Variants in ZNF184 observed in about 807,000 individuals in gnomAD.
ZNF184 encodes zinc finger protein 184, also known as zinc finger protein 184 (Kruppel-like).
In ZNF184, 16 loss-of-function variants were observed where a neutral mutation model predicts 54.4. The ratio of observed to expected loss-of-function variants is 0.29; its 90% CI spans 0.20 to 0.45. The LOEUF is 0.45. Among genes scored for constraint, ZNF184 ranks in the 20% least tolerant of loss-of-function variants. ZNF184 has a pLI of 1.00. For missense variants in ZNF184, 681 were observed against 888.2 expected, an observed-to-expected ratio of 0.77 and a Z score of 2.97; for synonymous variants, 254 against 295.3, an observed-to-expected ratio of 0.86 and a Z score of 1.43.
the ZNF184 span, among the ~76,000 whole-genome samples, chr6:27,430,398 C>CA: frequency 8.8e-6 from 1 of 113,074 alleles, no homozygotes; most frequent in Non-Finnish European, 1.6e-5. Flanking sequence ...TATTATTTGT[C>CA]AAAAAAAGGA....
chr6:27,428,272 C>A, the ZNF184 span, among the ~76,000 whole-genome samples: 4 of 152,298 alleles, frequency 2.6e-5, no homozygotes, highest in South Asian at 4.2e-4. The surrounding 1 kb of genome is among the most constrained non-coding windows in gnomAD (Gnocchi z 4.1). Context: ...GTGGGCAAAG[C>A]AGTTATTTCC....
chr6:27,424,226 T>G, the ZNF184 span, among the ~76,000 whole-genome samples: 5 of 152,214 alleles, frequency 3.3e-5, no homozygotes, highest in Non-Finnish European at 7.3e-5. Context: ...CGGTGAGGTC[T>G]CTGGTTTCAG....
the ZNF184 span, among the ~76,000 whole-genome samples, chr6:27,442,810 A>G: frequency 5.5e-5 from 4 of 73,288 alleles, no homozygotes; most frequent in South Asian, 5.4e-4. Flanking sequence ...AAGAGAAAGA[A>G]AGAGAAAGAA....
At chr6:27,409,439 C>A in the ZNF184 span, among the ~76,000 whole-genome samples, 1 of 138,696 alleles carries the variant, frequency 7.2e-6, no homozygotes, top group Non-Finnish European at 1.5e-5. Context: ...GTGGAGCTTG[C>A]AGTGAGCCGA....
In ZNF184 at chr6:27,451,540, A is replaced by T; in HGVS notation, c.2019T>A (p.Asn673Lys). ...IHTGEKPYKC[N>K]ECDKAFSRST... The stretch of plus-strand genomic sequence containing the variant: ...TCCGGCTAAAGGCTTTGTCACATTC[A>T]TTGCACTTATAGGGCTTCTCCCCAG... The change falls in exon 6 of 6, where the codon AAT (asparagine) becomes AAA (lysine). Residue 673 changes from asparagine to lysine, a missense_variant. Transcript: ENST00000683788. 6.2e-7 allele frequency: 1 copy of T among 1,613,980 alleles called. No individual in the cohort carries two copies.
chr6:27,448,084 C>A (rs1172256438), downstream of ZNF184, among the ~76,000 whole-genome samples: 1 of 152,144 alleles, frequency 6.6e-6, no homozygotes, highest in African/African-American at 2.4e-5. Context: ...ATTTTGTGTT[C>A]TTTTGTTTTT....
Position 27,472,405 on chromosome 6 carries a change from GA to G in ZNF184, c.-112del, listed in dbSNP as rs1465796054. 2 of 1,402,800 alleles carry G rather than the reference GA, an allele frequency of 1.4e-6. No individual in the cohort carries two copies. Among genetic ancestry groups the G allele is most frequent in the African/African-American group, 2.8e-5 (2 of 70,392 alleles). 86.9% of individuals were successfully genotyped at this position (1,402,800 alleles called of 1,614,324 possible). ...TCAGATGTCTAACTCCCCTTGCAGG[GA>G]ATCTGCAACACGCTGAGGTTGTCTA... is the stretch of plus-strand genomic sequence containing the variant. On this transcript the variant is annotated 5_prime_UTR_variant, in exon 2 of 6. Transcript: ENST00000683788. This position sits in a 1 kb window ranked among gnomAD's most constrained non-coding sequence, Gnocchi z 4.8.
chr6:27,422,148 A>AAAAAGAAAGAAAG, the ZNF184 span, among the ~76,000 whole-genome samples: 2 of 43,456 alleles, frequency 4.6e-5, no homozygotes, highest in Admixed American at 3.3e-4. Flanking sequence ...CTCAAAAAAA[A>AAAAAGAAAGAAAG]AAAGAAAGAA....
intron 2 of ZNF184, among the ~76,000 whole-genome samples, chr6:27,469,866 T>C (rs1763231905): frequency 6.6e-6 from 1 of 152,020 alleles, no homozygotes; most frequent in African/African-American, 2.4e-5. Flanking sequence ...CCAAGGCTTG[T>C]TGGGTTGGAA....
At chr6:27,410,747 G>A in the ZNF184 span, among the ~76,000 whole-genome samples, 2 of 152,170 alleles carry the variant, frequency 1.3e-5, no homozygotes, top group Non-Finnish European at 2.9e-5. Flanking sequence ...GCCCAGGCTG[G>A]TCTCAAACTC....
chr6:27,414,937 T>A, the ZNF184 span, among the ~76,000 whole-genome samples: 1 of 152,176 alleles, frequency 6.6e-6, no homozygotes, highest in South Asian at 2.1e-4. Flanking sequence ...CGCCTCATGA[T>A]AGTATGTGAC....
the ZNF184 span, among the ~76,000 whole-genome samples, chr6:27,427,116 T>TAAAAA: frequency 2.8e-3 from 297 of 106,768 alleles, 5 homozygotes; most frequent in Middle Eastern, 0.011. Context: ...ACACTCTATG[T>TAAAAA]AAAAAAAAAA....
chr6:27,442,106 G>C, the ZNF184 span, among the ~76,000 whole-genome samples: 5 of 152,070 alleles, frequency 3.3e-5, no homozygotes, highest in Non-Finnish European at 5.9e-5. Flanking sequence ...ATTAATCTAG[G>C]CACTGTTCCT....
rs1763293780 is a variant in ZNF184, at chr6:27,472,234, A to G, written c.7+54T>C. 1 of 1,611,646 alleles carries G rather than the reference A, an allele frequency of 6.2e-7. No individual in the cohort carries two copies. Among genetic ancestry groups the G allele is most frequent in the Non-Finnish European group, 8.5e-7 (1 of 1,178,340 alleles). On this transcript the variant is annotated intron_variant, in intron 2 of 5. Coordinates refer to ENST00000683788, the MANE Select transcript of ZNF184 (RefSeq NM_001318891.2). This position sits in a 1 kb window ranked among gnomAD's most constrained non-coding sequence, Gnocchi z 4.8. ...ATCTCAAGTATTTGATACTCCAGTC[A>G]TGACTGTTCTCAAGCCTCCATCACC...
the ZNF184 span, among the ~76,000 whole-genome samples, chr6:27,425,616 A>G: frequency 6.6e-6 from 1 of 152,174 alleles, no homozygotes; most frequent in African/African-American, 2.4e-5. Context: ...GTCTATTTGA[A>G]ATTTTCTGCA....
chr6:27,451,343 G>A lies in ZNF184; in HGVS notation c.2216C>T (p.Ser739Phe), dbSNP rs1762712359. ...CAGTCTCTGATGTTTGTTGAGAGCAGAGCGATATCTGAAGGATTTTCCACA... is the reference window on the plus strand; with the variant it reads ...CAGTCTCTGATGTTTGTTGAGAGCAAAGCGATATCTGAAGGATTTTCCACA... ...NDCGKSFRYRSALNKHQRLHP... is the reference protein window; with the variant it reads ...NDCGKSFRYRFALNKHQRLHP... The change falls in exon 6 of 6, where the codon TCT becomes TTT. Residue 739 changes from serine to phenylalanine, a missense_variant. Transcript: ENST00000683788. 4 of 1,613,396 alleles carry A rather than the reference G, an allele frequency of 2.5e-6. No individual in the cohort carries two copies. Among genetic ancestry groups the A allele is most frequent in the Non-Finnish European group, 3.4e-6 (4 of 1,179,606 alleles).
the ZNF184 span, among the ~76,000 whole-genome samples, chr6:27,424,131 T>TA: frequency 6.6e-6 from 1 of 152,206 alleles, no homozygotes; most frequent in African/African-American, 2.4e-5. Context: ...GTTCGTGGTC[T>TA]CCCTGGCTCA....
rs113099195 is a variant in ZNF184 at position 27,455,895 on chromosome 6, T to C, written c.298+931A>G. ...AGGGTCAGATCCTTAGGTTACTTCA[T>C]GCAGTTTGGAAACTGATGATTTAGA... On this transcript the variant is annotated intron_variant, in intron 5 of 5. Coordinates refer to ENST00000683788, the MANE Select transcript of ZNF184 (RefSeq NM_001318891.2). Among the ~76,000 whole-genome samples, 9 of 152,322 alleles carry C rather than the reference T, an allele frequency of 5.9e-5. 1 individual carries two copies. The highest frequency in any genetic ancestry group is 2.2e-4 in the African/African-American group (9 of 41,580).
the ZNF184 span, among the ~76,000 whole-genome samples, chr6:27,433,439 C>T: frequency 5.2e-4 from 79 of 152,290 alleles, no homozygotes; most frequent in Non-Finnish European, 1.0e-3. Flanking sequence ...TGAGCAATCA[C>T]CACTGTTCAT....
Sources: gnomAD v4.1 joint callset for allele counts (sites outside exome capture counted in the v4.1 genomes callset) on GRCh38, gnomAD v4.1.1 for gene constraint, Gnocchi (gnomAD v3.1) non-coding constraint, MANE v1.5 for transcripts, NCBI Gene and HGNC (gene_info 2026-07-23, HGNC 2026-07-21) for gene names.